LCP2: variants seen among roughly 807,000 people sequenced by gnomAD.
The protein encoded by LCP2 is 76 kDa tyrosine phosphoprotein.
A neutral mutation model predicts 74.5 loss-of-function variants in LCP2; 29 were observed. That is an observed-to-expected ratio of 0.39 (90% CI 0.29 to 0.53). The LOEUF is 0.53. LCP2 is among the 20% of genes least tolerant of loss of function. The probability of loss-of-function intolerance (pLI) is 0.72; values close to 1 mark genes in which losing one functional copy is unlikely to be tolerated. For synonymous variants in LCP2, 228 were observed against 229.5 expected (o/e 0.99, Z 0.06); for missense variants, 604 against 634.6 (o/e 0.95, Z 0.52).
At chr5:170,265,027 G>C (rs1430752850) in intron 10 of LCP2, among the ~76,000 whole-genome samples, 2 of 136,158 alleles carry the variant, frequency 1.5e-5, no homozygotes, top group Non-Finnish European at 3.1e-5. Flanking sequence ...TCGCTCTGTC[G>C]CCCAGGCTGG....
chr5:170,261,422 T>TAC (rs1245185030), intron 13 of LCP2, among the ~76,000 whole-genome samples: 4 of 150,152 alleles, frequency 2.7e-5, no homozygotes, highest in Admixed American at 1.3e-4. Context: ...TATATATATA[T>TAC]ACACACTCTA....
chr5:170,288,099 A>G (rs1431898278), intron 2 of LCP2, 83 bp from the exon 3 acceptor site: 2 of 1,398,902 alleles, frequency 1.4e-6, no homozygotes, highest in Non-Finnish European at 2.0e-6. Flanking sequence ...TACGTGAAAC[A>G]ATATAGGGAG....
intron 7 of LCP2, among the ~76,000 whole-genome samples, chr5:170,270,344 A>T (rs1379695486): frequency 6.6e-6 from 1 of 152,236 alleles, no homozygotes; most frequent in African/African-American, 2.4e-5. Context: ...TGGTCAAAAG[A>T]TGGGGAGGAA....
At chr5:170,271,038 A>G (rs1761889864) in intron 6 of LCP2, 121 bp from the exon 7 acceptor site, 2 of 791,010 alleles carry the variant, frequency 2.5e-6, no homozygotes, top group South Asian at 4.1e-5. Context: ...GGCAGCCTGA[A>G]GATGGTTACT....
chr5:170,289,681 CTCTCTT>C lies in LCP2; in HGVS notation c.142-1671_142-1666del, dbSNP rs1439357265. Among the ~76,000 whole-genome samples the C allele has an allele frequency of 8.9e-4, 127 of 143,476 alleles. 1 individual carries two copies. Among genetic ancestry groups the C allele is most frequent in the Non-Finnish European group, 1.5e-3 (99 of 65,918 alleles). 94.1% of individuals were successfully genotyped at this position (143,476 alleles called of 152,430 possible). Reference sequence around the variant, plus strand: ...TCTTTCTTTCTTTCTTTCTCTCTCTCTCTCTTTCTTTCTTTCTTTCCTTCTTTCTTT... The same window carrying C: ...TCTTTCTTTCTTTCTTTCTCTCTCTCTCTTTCTTTCTTTCCTTCTTTCTTT... On this transcript the variant is annotated intron_variant, in intron 2 of 20. Transcript: ENST00000046794.
At chr5:170,294,543 T>TGGGC (rs1227931451) in intron 1 of LCP2, among the ~76,000 whole-genome samples, 1 of 152,208 alleles carries the variant, frequency 6.6e-6, no homozygotes, top group Non-Finnish European at 1.5e-5. Flanking sequence ...CTCACAAGGG[T>TGGGC]GGGCCTCATG....
intron 3 of LCP2, among the ~76,000 whole-genome samples, chr5:170,284,134 A>G (rs1222327384): frequency 6.6e-6 from 1 of 152,226 alleles, no homozygotes; most frequent in East Asian, 1.9e-4. Context: ...TATTATTGAA[A>G]TATTAATCTT....
At position 170,275,882 on chromosome 5, in the gene LCP2, G is replaced by A. The variant is rs1318483386; in HGVS notation, c.189-22C>T. ...AATCCTGCAAGATAAAGAGACAGAT[G>A]AAGAGATAAAACCATCACTCAGTCT... On this transcript the variant is annotated intron_variant, in intron 3 of 20. Coordinates refer to ENST00000046794, the MANE Select transcript of LCP2 (RefSeq NM_005565.5). The A allele has an allele frequency of 3.2e-6, 5 of 1,548,048 alleles. No individual in the cohort carries two copies. In the South Asian group the frequency reaches 5.9e-5, roughly 18 times the overall value.
At chr5:170,261,405 G>A (rs78523545) in intron 13 of LCP2, among the ~76,000 whole-genome samples, 3 of 110,882 alleles carry the variant, frequency 2.7e-5, no homozygotes, top group East Asian at 3.4e-4. Context: ...GTGTGTGTGT[G>A]TGTATATATA....
Position 170,259,872 on chromosome 5 carries a change from C to T in LCP2, c.958-994G>A, listed in dbSNP as rs549909416. Among the ~76,000 whole-genome samples the T allele has an allele frequency of 2.0e-5, 3 of 152,290 alleles. No individual in the cohort carries two copies. The East Asian group carries it at 5.8e-4, about 29-fold the overall frequency. On this transcript the variant is annotated intron_variant, in intron 14 of 20. Transcript: ENST00000046794. ...TTTCAATACTTTTGCAAGTATATTC[C>T]CTCTGGTTCCAGAAAACACAACTCC...
At chr5:170,259,095 T>A (rs1348600768) in intron 14 of LCP2, among the ~76,000 whole-genome samples, 1 of 152,190 alleles carries the variant, frequency 6.6e-6, no homozygotes, top group Admixed American at 6.5e-5. Context: ...CATTCCAGTA[T>A]GAGACTCTCC....
chr5:170,261,526 A>G (rs79166006), intron 13 of LCP2, among the ~76,000 whole-genome samples: 2,064 of 152,212 alleles, frequency 0.014, 55 homozygotes, highest in African/African-American at 0.047. Context: ...TAGCTATTAA[A>G]TTTTACTGAG....
intron 1 of LCP2, among the ~76,000 whole-genome samples, chr5:170,296,407 G>T (rs1384753051): frequency 6.6e-6 from 1 of 152,140 alleles, no homozygotes. Flanking sequence ...GACTATAAAT[G>T]CCTCGGAAAT....
rs1026220650 is a variant in LCP2 at position 170,247,250 on chromosome 5, C to T, written c.*1447G>A. ...TGCAGGGTTTTCAGCCTTAAACTCC[C>T]AAGTTTTGGACCCTAAACTGAGAAC... is the stretch of plus-strand genomic sequence containing the variant. On this transcript the variant is annotated 3_prime_UTR_variant, in exon 21 of 21. Coordinates refer to ENST00000046794, the MANE Select transcript of LCP2 (RefSeq NM_005565.5). 3 of 152,140 alleles carry T rather than the reference C, an allele frequency of 2.0e-5. No homozygotes were observed. Among genetic ancestry groups the T allele is most frequent in the Admixed American group, 6.5e-5 (1 of 15,274 alleles). 9.4% of individuals were successfully genotyped at this position (152,140 alleles called of 1,614,324 possible).
intron 10 of LCP2, among the ~76,000 whole-genome samples, chr5:170,265,177 CG>C (rs763544393): frequency 2.0e-5 from 3 of 151,812 alleles, no homozygotes; most frequent in Non-Finnish European, 4.4e-5. Context: ...TTAATAGAGA[CG>C]GGGTTTCACC....
At chr5:170,285,403 T>G (rs1171210548) in intron 3 of LCP2, among the ~76,000 whole-genome samples, 1 of 152,246 alleles carries the variant, frequency 6.6e-6, no homozygotes, top group Non-Finnish European at 1.5e-5. Flanking sequence ...CTCATTTGTG[T>G]GCCTGTTAGT....
At chr5:170,290,579 C>T (rs1762271546) in intron 2 of LCP2, among the ~76,000 whole-genome samples, 1 of 152,196 alleles carries the variant, frequency 6.6e-6, no homozygotes, top group Non-Finnish European at 1.5e-5. Flanking sequence ...CGTCTCCCTG[C>T]CTGCCATGGA....
chr5:170,285,923 C>A (rs187750811), intron 3 of LCP2, among the ~76,000 whole-genome samples: 3 of 152,324 alleles, frequency 2.0e-5, no homozygotes, highest in African/African-American at 7.2e-5. Flanking sequence ...CCACCAGACC[C>A]AGCACTGTGC....
At chr5:170,287,675 C>T in intron 3 of LCP2, 3 of 444,468 alleles carry the variant, frequency 6.7e-6, no homozygotes, top group East Asian at 4.0e-5. Flanking sequence ...GACACTGATG[C>T]TATTTTCACA....
Sources: allele counts gnomAD v4.1 joint callset (sites outside exome capture counted in the v4.1 genomes callset), GRCh38; gene constraint gnomAD v4.1.1; transcripts MANE v1.5; gene names NCBI Gene and HGNC (gene_info 2026-07-23, HGNC 2026-07-21).